RBPMS: variants seen among roughly 807,000 people sequenced by gnomAD.
The protein encoded by RBPMS is RNA binding protein, mRNA processing factor, also known as RNA-binding protein with multiple splicing.
Under a neutral mutation model 26.8 loss-of-function variants are expected in RBPMS, and 7 were observed. That is an observed-to-expected ratio of 0.26 (90% CI 0.15 to 0.49). The LOEUF (loss-of-function observed/expected upper bound fraction) is 0.49. Among genes scored for constraint, RBPMS ranks in the 20% least tolerant of loss-of-function variants. The pLI is 0.98. For missense variants in RBPMS, 186 were observed against 250.0 expected (o/e 0.74, Z 1.73); for synonymous variants, 96 against 93.3 (o/e 1.03, Z -0.17).
intron 1 of RBPMS, among the ~76,000 whole-genome samples, chr8:30,439,837 A>G (rs1001429524): frequency 2.6e-5 from 4 of 152,038 alleles, no homozygotes; most frequent in African/African-American, 9.7e-5. Flanking sequence ...TTTTTTGTAG[A>G]GACGGGGTTT....
At chr8:30,496,457 C>T (rs113451317) in intron 4 of RBPMS, among the ~76,000 whole-genome samples, 1,714 of 152,176 alleles carry the variant, frequency 0.011, 32 homozygotes, top group African/African-American at 0.039. Flanking sequence ...CGTGAGCCAC[C>T]GTGCCCGGCC....
At chr8:30,481,333 G>C (rs1585612245) in intron 4 of RBPMS, among the ~76,000 whole-genome samples, 5 of 135,218 alleles carry the variant, frequency 3.7e-5, no homozygotes, top group African/African-American at 1.9e-4. Flanking sequence ...AAAAAAAACT[G>C]TGTTTCCTCA....
chr8:30,545,167 AC>A, intron 6 of RBPMS: 1 of 1,300,968 alleles, frequency 7.7e-7, no homozygotes, highest in Non-Finnish European at 1.0e-6. Context: ...TTTTCAGGAA[AC>A]CCTGTAGAAA....
intron 4 of RBPMS, among the ~76,000 whole-genome samples, chr8:30,483,544 C>T (rs535047146): frequency 6.6e-6 from 1 of 151,950 alleles, no homozygotes; most frequent in South Asian, 2.1e-4. Context: ...TATGATTCAC[C>T]CATTTAAAAT....
intron 1 of RBPMS, among the ~76,000 whole-genome samples, chr8:30,465,336 G>C (rs1017138110): frequency 6.6e-4 from 100 of 152,262 alleles, no homozygotes; most frequent in African/African-American, 2.2e-3. Context: ...AGTACTAAGG[G>C]AATTTCTTAA....
intron 4 of RBPMS, among the ~76,000 whole-genome samples, chr8:30,503,121 C>T (rs1403418311): frequency 1.3e-5 from 2 of 152,158 alleles, no homozygotes; most frequent in African/African-American, 4.8e-5. Context: ...TCTTTCCTTC[C>T]CCTTCCCCCC....
intron 1 of RBPMS, among the ~76,000 whole-genome samples, chr8:30,393,061 GTGTT>G (rs1231260543): frequency 6.6e-6 from 1 of 152,112 alleles, no homozygotes; most frequent in South Asian, 2.1e-4. Flanking sequence ...ATGTTAAAAA[GTGTT>G]TGGGAAGGGG....
At chr8:30,440,210 T>C (rs1212375741) in intron 1 of RBPMS, among the ~76,000 whole-genome samples, 1 of 152,194 alleles carries the variant, frequency 6.6e-6, no homozygotes, top group African/African-American at 2.4e-5. Flanking sequence ...ATTACGGGTG[T>C]GAGCCACTGT....
chr8:30,511,479 AAAAAAAAATATATATATATATATAT>A (rs1394896092), intron 5 of RBPMS, among the ~76,000 whole-genome samples: 17,897 of 87,002 alleles, frequency 0.21, 1,674 homozygotes, highest in African/African-American at 0.24. Flanking sequence ...AAGAAAAAAA[AAAAAAAAATATATATATATATATAT>A]ATATATATAT....
At position 30,419,450 on chromosome 8, in the gene RBPMS, A is replaced by ATATGTGTGTGTGTG. The variant is rs1554509328; in HGVS notation, c.66+34293_66+34294insATGTGTGTGTGTGT. 1.7e-3 allele frequency among the ~76,000 whole-genome samples: 248 copies of ATATGTGTGTGTGTG among 143,284 alleles called. 4 individuals are homozygous for ATATGTGTGTGTGTG. The highest frequency in any genetic ancestry group is 6.2e-3 in the African/African-American group (236 of 37,900). The allele number at this position is 143,284 out of a possible 152,430, so 94.0% of individuals were successfully genotyped here. On this transcript the variant is annotated intron_variant, in intron 1 of 8. Coordinates refer to ENST00000397323, the MANE Select transcript of RBPMS (RefSeq NM_001008710.3). ...GACAGAGTGAGATTGCATCTCAAAA[A>ATATGTGTGTGTGTG]TGTGTGTGTGTGTGTGTGTGTGTGT... is the stretch of plus-strand genomic sequence containing the variant.
chr8:30,461,365 G>C (rs765494494), intron 1 of RBPMS, among the ~76,000 whole-genome samples: 5 of 151,958 alleles, frequency 3.3e-5, no homozygotes, highest in Non-Finnish European at 5.9e-5. Flanking sequence ...TTTTAAATTT[G>C]ACCTCATTGT....
chr8:30,423,257 ACAT>A (rs1811001131), intron 1 of RBPMS, among the ~76,000 whole-genome samples: 1 of 152,162 alleles, frequency 6.6e-6, no homozygotes, highest in South Asian at 2.1e-4. Flanking sequence ...AGACTCTCAA[ACAT>A]CTGTAATACT....
rs71278690 is a variant in RBPMS, at chr8:30,419,450, A to ATGTGTGTGTGTGTGTGTGTGTG, written c.66+34304_66+34325dup. On this transcript the variant is annotated intron_variant, in intron 1 of 8. Transcript: ENST00000397323. ...GACAGAGTGAGATTGCATCTCAAAA[A>ATGTGTGTGTGTGTGTGTGTGTG]TGTGTGTGTGTGTGTGTGTGTGTGT... is the stretch of plus-strand genomic sequence containing the variant. Among the ~76,000 whole-genome samples, 261 of 143,272 alleles carry ATGTGTGTGTGTGTGTGTGTGTG rather than the reference A, an allele frequency of 1.8e-3. 2 individuals are homozygous for ATGTGTGTGTGTGTGTGTGTGTG. The highest frequency in any genetic ancestry group is 6.5e-3 in the African/African-American group (248 of 37,890). 94.0% of individuals were successfully genotyped at this position (143,272 alleles called of 152,430 possible). A position where few individuals can be genotyped will look rare whatever the true frequency, so the allele number is the denominator to read the frequency against.
intron 1 of RBPMS, among the ~76,000 whole-genome samples, chr8:30,473,802 G>T (rs1817396705): frequency 6.6e-6 from 1 of 152,088 alleles, no homozygotes; most frequent in Non-Finnish European, 1.5e-5. Context: ...CAGGGACATG[G>T]GTGGAACTAT....
At chr8:30,421,879 C>T (rs1372295203) in intron 1 of RBPMS, among the ~76,000 whole-genome samples, 1 of 151,698 alleles carries the variant, frequency 6.6e-6, no homozygotes, top group Non-Finnish European at 1.5e-5. Flanking sequence ...TGCTTGAACC[C>T]GGGAGGCGGA....
At chr8:30,493,779 C>T (rs1819643615) in intron 4 of RBPMS, among the ~76,000 whole-genome samples, 1 of 152,158 alleles carries the variant, frequency 6.6e-6, no homozygotes, top group African/African-American at 2.4e-5. Context: ...AAAGTTCAAA[C>T]AATCACGCCC....
At chr8:30,395,389 C>T (rs537920898) in intron 1 of RBPMS, among the ~76,000 whole-genome samples, 1 of 28,002 alleles carries the variant, frequency 3.6e-5, no homozygotes, top group Non-Finnish European at 5.0e-5. Context: ...TGCCTGAGCT[C>T]GGGAGGTCGA....
intron 1 of RBPMS, among the ~76,000 whole-genome samples, chr8:30,386,873 G>C (rs1343761283): frequency 6.6e-6 from 1 of 150,414 alleles, no homozygotes; most frequent in Non-Finnish European, 1.5e-5. Flanking sequence ...TTTTCCTTTT[G>C]GTAGGTAGCA....
chr8:30,427,534 GAAGCCTC>G (rs1361047767), intron 1 of RBPMS, among the ~76,000 whole-genome samples: 5 of 152,186 alleles, frequency 3.3e-5, no homozygotes, highest in African/African-American at 4.8e-5. Flanking sequence ...AGATCAAATG[GAAGCCTC>G]GCTGAACTCC....
Sources: gnomAD v4.1 joint callset for allele counts (sites outside exome capture counted in the v4.1 genomes callset) on GRCh38, gnomAD v4.1.1 for gene constraint, MANE v1.5 for transcripts, NCBI Gene and HGNC (gene_info 2026-07-23, HGNC 2026-07-21) for gene names.